PDE2A: variants seen among roughly 807,000 people sequenced by gnomAD.
The protein encoded by PDE2A is cGMP-dependent 3',5'-cyclic phosphodiesterase.
Under a neutral mutation model 133.6 loss-of-function variants are expected in PDE2A, and 53 were observed. The observed-to-expected ratio is 0.40, with a 90% confidence interval of 0.32 to 0.50. PDE2A has a LOEUF of 0.50. Among genes scored for constraint, PDE2A ranks in the 20% least tolerant of loss-of-function variants. The probability of loss-of-function intolerance (pLI) is 0.73; values close to 1 mark genes in which losing one functional copy is unlikely to be tolerated. For missense variants in PDE2A, 796 were observed against 1,232.4 expected (o/e 0.65, Z 5.30); for synonymous variants, 491 against 490.2 (o/e 1.00, Z -0.02).
At position 72,597,584 on chromosome 11, in the gene PDE2A, T is replaced by C; in HGVS notation, c.359A>G (p.Asn120Ser). The C allele has an allele frequency of 6.2e-7, 1 of 1,612,226 alleles. No individual in the cohort carries two copies. The highest frequency in any genetic ancestry group is 8.5e-7 in the Non-Finnish European group (1 of 1,179,310). The change falls in exon 5 of 31, where the codon AAT becomes AGT. Residue 120 changes from asparagine to serine, a missense_variant. Coordinates refer to ENST00000334456, the MANE Select transcript of PDE2A (RefSeq NM_002599.5). The surrounding 1 kb of genome is among the most constrained non-coding windows in gnomAD (Gnocchi z 4.6). ...TGGCAGGTCTGAGAAGCCCAGCCCA[T>C]TGCAGCCCAGCCGCTTCTGGGAGAT... ...AIISQKRLGC[N>S]GLGFSDLPGK...
intron 4 of PDE2A, among the ~76,000 whole-genome samples, chr11:72,603,182 C>T (rs1856831706): frequency 6.6e-6 from 1 of 152,244 alleles, no homozygotes; most frequent in South Asian, 2.1e-4. Flanking sequence ...TTCTCATCCC[C>T]TGGCCCTCCT....
chr11:72,584,143 G>C (rs929909806), intron 19 of PDE2A, 58 bp downstream of exon 19: 2 of 867,420 alleles, frequency 2.3e-6, no homozygotes, highest in African/African-American at 3.3e-5. Flanking sequence ...AGAACCGAGG[G>C]TCCTTCGTGG....
At chr11:72,656,398 T>C (rs982300795) in intron 1 of PDE2A, among the ~76,000 whole-genome samples, 5 of 152,086 alleles carry the variant, frequency 3.3e-5, no homozygotes, top group Admixed American at 6.5e-5. Flanking sequence ...TTGCCTCCTG[T>C]AGGTGCCTAA....
intron 4 of PDE2A, chr11:72,598,988 G>A (rs1377488111): frequency 1.1e-5 from 11 of 985,394 alleles, no homozygotes; most frequent in South Asian, 4.7e-5. Flanking sequence ...CGGGAGCCAC[G>A]TTTCCTGATG....
chr11:72,577,404 AG>A lies in PDE2A; in HGVS notation c.2805del (p.Cys936AlafsTer46). The A allele has an allele frequency of 6.2e-7, 1 of 1,612,546 alleles. No individual in the cohort carries two copies. Among genetic ancestry groups the A allele is most frequent in the Non-Finnish European group, 8.5e-7 (1 of 1,178,854 alleles). On this transcript the variant is annotated frameshift_variant, in exon 31 of 31. Transcript: ENST00000334456. LOFTEE classifies it high-confidence loss of function. ...GGGGATCACTCAGCATCAAGGCTGCAGCAGCCATTGATGGGGGCCCTAGTGC... is the reference window on the plus strand; with the variant it reads ...GGGGATCACTCAGCATCAAGGCTGCACAGCCATTGATGGGGGCCCTAGTGC... Reference protein sequence around the residue: ...LDGTRAPINGCCSLDAE With the variant: ...LDGTRAPINGXCSLDAE
At chr11:72,667,704 G>A (rs1171254695) in intron 1 of PDE2A, among the ~76,000 whole-genome samples, 1 of 152,090 alleles carries the variant, frequency 6.6e-6, no homozygotes, top group African/African-American at 2.4e-5. Context: ...GAGGCAGAGA[G>A]GAGTAGGAGA....
intron 13 of PDE2A, among the ~76,000 whole-genome samples, 173 bp downstream of exon 13, chr11:72,588,611 A>C (rs951944239): frequency 2.0e-5 from 3 of 152,224 alleles, no homozygotes; most frequent in African/African-American, 7.2e-5. Context: ...GAGAAGAGGA[A>C]CTAGCTTGGA....
At chr11:72,614,897 G>A (rs905327401) in intron 2 of PDE2A, among the ~76,000 whole-genome samples, 2 of 152,038 alleles carry the variant, frequency 1.3e-5, no homozygotes, top group Admixed American at 1.3e-4. Context: ...CAGTATGGAC[G>A]GGGCCACTCG....
intron 6 of PDE2A, among the ~76,000 whole-genome samples, chr11:72,595,422 T>TG (rs1165765014): frequency 6.8e-6 from 1 of 148,098 alleles, no homozygotes; most frequent in African/African-American, 2.5e-5. Flanking sequence ...AAACCGGGGG[T>TG]GGGGGGAGCA....
chr11:72,652,895 G>C (rs1021496497), intron 1 of PDE2A, among the ~76,000 whole-genome samples: 4 of 152,182 alleles, frequency 2.6e-5, no homozygotes, highest in African/African-American at 7.2e-5. Flanking sequence ...AGTCCCCCCA[G>C]CTCCAGAAGG....
chr11:72,598,385 C>T (rs1351970234), intron 4 of PDE2A: 2 of 563,580 alleles, frequency 3.5e-6, no homozygotes, highest in Admixed American at 4.9e-5. Context: ...ATGACAGTGG[C>T]AGAGGGGTGG....
chr11:72,584,530 C>G, intron 18 of PDE2A, 21 bp downstream of exon 18: 1 of 1,574,186 alleles, frequency 6.4e-7, no homozygotes, highest in Non-Finnish European at 8.6e-7. Flanking sequence ...CCCGCCCCTC[C>G]GCCCGGGCCG....
intron 2 of PDE2A, among the ~76,000 whole-genome samples, chr11:72,625,523 C>T (rs1233182732): frequency 1.3e-5 from 2 of 152,092 alleles, no homozygotes; most frequent in Admixed American, 6.5e-5. Flanking sequence ...CCAGATGGAG[C>T]GGCTAAGAGC....
intron 2 of PDE2A, among the ~76,000 whole-genome samples, chr11:72,630,663 C>T (rs1418907796): frequency 1.3e-5 from 2 of 151,544 alleles, no homozygotes; most frequent in Non-Finnish European, 2.9e-5. Flanking sequence ...CTGGTGGCCA[C>T]GTGGATGATG....
At chr11:72,618,760 C>G (rs147169950) in intron 2 of PDE2A, among the ~76,000 whole-genome samples, 1 of 152,196 alleles carries the variant, frequency 6.6e-6, no homozygotes, top group Non-Finnish European at 1.5e-5. Flanking sequence ...GATGGGCCTA[C>G]GAGCCCATGG....
intron 1 of PDE2A, among the ~76,000 whole-genome samples, chr11:72,666,075 C>A (rs1474354402): frequency 1.3e-5 from 2 of 152,178 alleles, no homozygotes; most frequent in African/African-American, 2.4e-5. Context: ...AATCTCACAG[C>A]ATGCAGAAGC....
intron 2 of PDE2A, among the ~76,000 whole-genome samples, chr11:72,617,452 T>C (rs1244167971): frequency 2.0e-5 from 3 of 152,320 alleles, no homozygotes; most frequent in Admixed American, 2.0e-4. Context: ...TCTCCCTGCC[T>C]CTCAGCCTCC....
chr11:72,641,007 A>G (rs1858928118), intron 2 of PDE2A, among the ~76,000 whole-genome samples: 1 of 152,122 alleles, frequency 6.6e-6, no homozygotes, highest in Non-Finnish European at 1.5e-5. Flanking sequence ...ATTACACACA[A>G]GACACACCCA....
At chr11:72,577,691 G>C in intron 30 of PDE2A, 97 bp from the exon 31 acceptor site, 1 of 836,910 alleles carries the variant, frequency 1.2e-6, no homozygotes, top group Non-Finnish European at 2.0e-6. Context: ...CTTCCACAAG[G>C]GCCAGGTACG....
Sources: gnomAD v4.1 joint callset for allele counts (sites outside exome capture counted in the v4.1 genomes callset) on GRCh38, gnomAD v4.1.1 for gene constraint, Gnocchi (gnomAD v3.1) non-coding constraint, MANE v1.5 for transcripts, NCBI Gene and HGNC (gene_info 2026-07-23, HGNC 2026-07-21) for gene names.